TMEM219: variants seen among roughly 807,000 people sequenced by gnomAD.
TMEM219 encodes the protein insulin-like growth factor-binding protein 3 receptor.
A neutral mutation model predicts 17.9 loss-of-function variants in TMEM219; 18 were observed. The ratio of observed to expected loss-of-function variants is 1.01; its 90% CI spans 0.70 to 1.49. The LOEUF is 1.49. Among genes scored for constraint, TMEM219 ranks in the 40% most tolerant of loss-of-function variants. The probability of loss-of-function intolerance (pLI) is 0.00; values close to 1 mark genes in which losing one functional copy is unlikely to be tolerated. For synonymous variants in TMEM219, 113 were observed against 124.0 expected (o/e 0.91, Z 0.59); for missense variants, 288 against 292.4 (o/e 0.99, Z 0.11).
At chr16:29,967,888 C>G in intron 3 of TMEM219, 137 bp from the exon 4 acceptor site, 1 of 654,928 alleles carries the variant, frequency 1.5e-6, no homozygotes, top group Non-Finnish European at 2.6e-6. Context: ...GATTGCGCCA[C>G]TGCACTCCAG....
Position 29,966,542 on chromosome 16 carries a change from G to A in TMEM219, c.356-1483G>A, listed in dbSNP as rs369394769. Among the ~76,000 whole-genome samples, 8 of 152,192 alleles carry A rather than the reference G, an allele frequency of 5.3e-5. 1 individual carries two copies. The highest frequency in any genetic ancestry group is 3.4e-3 in the Middle Eastern group (1 of 294). On this transcript the variant is annotated intron_variant, in intron 3 of 5. Coordinates refer to ENST00000279396, the MANE Select transcript of TMEM219 (RefSeq NM_001083613.2). Reference sequence around the variant, plus strand: ...AAATTAGAAAATATTCTGGCCAGGCGTGGTGGCTCATTCCTATAATCCCAG... The same window carrying A: ...AAATTAGAAAATATTCTGGCCAGGCATGGTGGCTCATTCCTATAATCCCAG...
intron 5 of TMEM219, 38 bp downstream of exon 5, chr16:29,971,616 T>TG: frequency 2.0e-6 from 1 of 512,672 alleles, no homozygotes; most frequent in Non-Finnish European, 2.8e-6. Context: ...GAGCAGGGAA[T>TG]GGGGTGGGGG....
At chr16:29,965,583 A>T (rs931406512) in intron 3 of TMEM219, among the ~76,000 whole-genome samples, 1 of 150,684 alleles carries the variant, frequency 6.6e-6, no homozygotes, top group Non-Finnish European at 1.5e-5. Flanking sequence ...AAAAAAAAAA[A>T]AGCCAGGCGT....
In TMEM219 at chr16:29,968,068, C is replaced by G. The variant is rs1456556709; in HGVS notation, c.399C>G (p.Thr133=). The change falls in exon 4 of 6, where the codon ACC becomes ACG. Residue 133 remains threonine, a synonymous_variant. Coordinates refer to ENST00000279396, the MANE Select transcript of TMEM219 (RefSeq NM_001083613.2). ...GQLVLITARV[T]TERTAGTCLY... The stretch of plus-strand genomic sequence containing the variant: ...TGGTCCTTATCACAGCCAGGGTGAC[C>G]ACAGAAAGGACTGCAGGAACCTGCC... The G allele has an allele frequency of 6.2e-7, 1 of 1,614,036 alleles. No individual in the cohort carries two copies. The highest frequency in any genetic ancestry group is 1.3e-5 in the African/African-American group (1 of 74,918).
chr16:29,963,574 C>A lies in TMEM219; in HGVS notation c.340C>A (p.Gln114Lys). The A allele has an allele frequency of 6.2e-7, 1 of 1,613,818 alleles. No individual in the cohort carries two copies. Among genetic ancestry groups the A allele is most frequent in the South Asian group, 1.1e-5 (1 of 91,026 alleles). ...ATTCCAGGCCACAGTCCTGGGAAGT[C>A]AGATGGGATTGAAAGGTGAGATCAG... ...RTFQATVLGS[Q>K]MGLKGSSAGQ... The change falls in exon 3 of 6, where the codon CAG (glutamine) becomes AAG (lysine). Residue 114 changes from glutamine to lysine, a missense_variant. Transcript: ENST00000279396.
chr16:29,966,027 G>T (rs2069208634), intron 3 of TMEM219, among the ~76,000 whole-genome samples: 1 of 151,998 alleles, frequency 6.6e-6, no homozygotes, highest in Non-Finnish European at 1.5e-5. Context: ...GAGCCACTGC[G>T]CCTGGCCAAT....
chr16:29,968,264 T>TC lies in TMEM219; in HGVS notation c.585+11dup. On this transcript the variant is annotated intron_variant, in intron 4 of 5. Transcript: ENST00000279396. ...CAAGCTGCTCACCTCGGTAAGAGCC[T>TC]CAGATGGGTCGCCAGGGTTTTGTAG... The TC allele has an allele frequency of 6.2e-7, 1 of 1,604,712 alleles. No homozygotes were observed. The highest frequency in any genetic ancestry group is 8.5e-7 in the Non-Finnish European group (1 of 1,172,128).
intron 4 of TMEM219, among the ~76,000 whole-genome samples, chr16:29,969,516 ATTTTTT>A (rs879373341): frequency 1.4e-5 from 2 of 147,302 alleles, no homozygotes; most frequent in Non-Finnish European, 3.0e-5. Context: ...TAAAAAAAAC[ATTTTTT>A]TTTTTAATTA....
intron 3 of TMEM219, among the ~76,000 whole-genome samples, chr16:29,967,483 C>T (rs1010994653): frequency 1.3e-5 from 2 of 152,124 alleles, no homozygotes; most frequent in African/African-American, 2.4e-5. Flanking sequence ...AGGTGGCACA[C>T]ACTTGTAGCC....
At position 29,971,489 on chromosome 16, in the gene TMEM219, A is replaced by C; in HGVS notation, c.667A>C (p.Thr223Pro). 1 of 1,613,920 alleles carries C rather than the reference A, an allele frequency of 6.2e-7. No homozygotes were observed. Among genetic ancestry groups the C allele is most frequent in the South Asian group, 1.1e-5 (1 of 91,064 alleles). The stretch of plus-strand genomic sequence containing the variant: ...CTTCTGTGGCCTTCTCTGCTGTGTC[A>C]CTGCTATGTGCTTCCACCCGCGCCG... ...LLFCGLLCCV[T>P]AMCFHPRRES... is the part of the protein sequence containing the mutation. Residue 223 changes from threonine to proline, a missense_variant, in exon 5 of 6, where the codon ACT becomes CCT. Thr to Pro is a conservative substitution (Grantham distance 38). Coordinates refer to ENST00000279396, the MANE Select transcript of TMEM219 (RefSeq NM_001083613.2).
Position 29,963,516 on chromosome 16 carries a change from C to A in TMEM219, c.282C>A (p.Phe94Leu). ...HVVGLLTTLN[F>L]GDGPDRNKTR... ...TGGGCTTGCTGACCACCTTGAACTT[C>A]GGAGACGGTCCAGACAGGAACAAGA... Residue 94 changes from phenylalanine (F) to leucine (L), a missense_variant, in exon 3 of 6, where the codon TTC (phenylalanine) becomes TTA (leucine). Physicochemically the swap from Phe to Leu is conservative, Grantham distance 22. Coordinates refer to ENST00000279396, the MANE Select transcript of TMEM219 (RefSeq NM_001083613.2). The A allele has an allele frequency of 6.2e-7, 1 of 1,614,142 alleles. No homozygotes were observed.
At chr16:29,970,265 G>A (rs2069266416) in intron 4 of TMEM219, among the ~76,000 whole-genome samples, 1 of 150,686 alleles carries the variant, frequency 6.6e-6, no homozygotes, top group Non-Finnish European at 1.5e-5. Flanking sequence ...ACCCCATGAG[G>A]AGCACAACCT....
At chr16:29,968,696 G>A (rs1381937679) in intron 4 of TMEM219, 2 of 164,224 alleles carry the variant, frequency 1.2e-5, no homozygotes, top group Admixed American at 1.1e-4. Context: ...ACCCTAACTT[G>A]AACATTTATG....
intron 4 of TMEM219, among the ~76,000 whole-genome samples, chr16:29,970,546 A>C (rs1263642485): frequency 6.6e-6 from 1 of 151,636 alleles, no homozygotes; most frequent in African/African-American, 2.4e-5. Flanking sequence ...GGATGGTCTC[A>C]ATCTCCTGAC....
chr16:29,969,071 T>C (rs948720764), intron 4 of TMEM219, among the ~76,000 whole-genome samples: 6 of 151,960 alleles, frequency 3.9e-5, no homozygotes, highest in African/African-American at 1.2e-4. Context: ...GATTGAAAAG[T>C]GTTCAGCCAG....
intron 4 of TMEM219, chr16:29,968,517 C>T: frequency 2.6e-6 from 1 of 391,984 alleles, no homozygotes; most frequent in South Asian, 4.8e-5. Flanking sequence ...AGCACATTGC[C>T]TGGGACATAG....
In TMEM219 at chr16:29,971,392, C is replaced by G; in HGVS notation, c.586-16C>G. On this transcript the variant is annotated splice_polypyrimidine_tract_variant and intron_variant, in intron 4 of 5. Transcript: ENST00000279396. ...TTAACATGTCCTCCTCCTCCTCTCC[C>G]TGTACCCCTCCCTAGGAGGAGCTGG... The G allele has an allele frequency of 1.9e-6, 3 of 1,614,010 alleles. No homozygotes were observed. The highest frequency in any genetic ancestry group is 2.2e-5 in the South Asian group (2 of 91,084).
chr16:29,964,681 G>T (rs2069190522), intron 3 of TMEM219, among the ~76,000 whole-genome samples: 1 of 146,878 alleles, frequency 6.8e-6, no homozygotes, highest in Non-Finnish European at 1.5e-5. Context: ...CCACCACCCT[G>T]CGCCAAAAAA....
Position 29,963,523 on chromosome 16 carries a change from G to A in TMEM219, c.289G>A (p.Gly97Ser), listed in dbSNP as rs768173133. 3.2e-5 allele frequency: 52 copies of A among 1,613,984 alleles called. No homozygotes were observed. The highest frequency in any genetic ancestry group is 1.6e-4 in the East Asian group (7 of 44,896). Residue 97 changes from glycine (G) to serine (S), a missense_variant, in exon 3 of 6, where the codon GGT becomes AGT. Gly to Ser is a moderately conservative substitution (Grantham distance 56). Coordinates refer to ENST00000279396, the MANE Select transcript of TMEM219 (RefSeq NM_001083613.2). ...GLLTTLNFGD[G>S]PDRNKTRTFQ... ...GCTGACCACCTTGAACTTCGGAGAC[G>A]GTCCAGACAGGAACAAGACCCGGAC...
Sources: gnomAD v4.1 joint callset for allele counts (sites outside exome capture counted in the v4.1 genomes callset) on GRCh38, gnomAD v4.1.1 for gene constraint, MANE v1.5 for transcripts, NCBI Gene and HGNC (gene_info 2026-07-23, HGNC 2026-07-21) for gene names.